The following KLK10 variants were observed in gnomAD, a reference collection of about 807,000 sequenced individuals.
The protein encoded by KLK10 is kallikrein-10.
A neutral mutation model predicts 25.7 loss-of-function variants in KLK10; 27 were observed. The observed-to-expected ratio is 1.05, with a 90% CI of 0.77 to 1.45. KLK10 has a LOEUF of 1.45. KLK10 is among the 40% of genes most tolerant of loss of function. The pLI, the probability that KLK10 is intolerant of heterozygous loss-of-function variation, is 0.00. For synonymous variants in KLK10, 173 were observed against 160.1 expected (o/e 1.08, Z -0.61); for missense variants, 386 against 370.0 (o/e 1.04, Z -0.35).
chr19:51,019,008 C>A lies in KLK10; in HGVS notation c.88+35G>T. On this transcript the variant is annotated intron_variant, in intron 2 of 5. Transcript: ENST00000358789. This position sits in a 1 kb window ranked among gnomAD's most constrained non-coding sequence, Gnocchi z 4.2. ...TTCTCCTCCCGCCCGTGCCTCCCAC[C>A]GGCGCCTCTCCCCGCCCCCTGCCCC... The A allele has an allele frequency of 1.4e-6, 2 of 1,458,592 alleles. No homozygotes were observed. The highest frequency in any genetic ancestry group is 2.4e-5 in the East Asian group (1 of 42,452). 90.4% of individuals were successfully genotyped at this position (1,458,592 alleles called of 1,614,324 possible).
rs1011267697 is a variant in KLK10, at chr19:51,019,181, G to T, written c.-9-42C>A. On this transcript the variant is annotated intron_variant, in intron 1 of 5. Coordinates refer to ENST00000358789, the MANE Select transcript of KLK10 (RefSeq NM_145888.3). The surrounding 1 kb of genome is among the most constrained non-coding windows in gnomAD (Gnocchi z 4.2). Reference sequence around the variant, plus strand: ...AGGGGCGGGTTAAAACAGATGCTCCGTTAGAGACCCCCACCTCGCCGCGCT... The same window carrying T: ...AGGGGCGGGTTAAAACAGATGCTCCTTTAGAGACCCCCACCTCGCCGCGCT... The T allele has an allele frequency of 5.1e-6, 7 of 1,370,934 alleles. No homozygotes were observed. Among genetic ancestry groups the T allele is most frequent in the African/African-American group, 1.4e-5 (1 of 69,738 alleles). 84.9% of individuals were successfully genotyped at this position (1,370,934 alleles called of 1,614,324 possible). A position where few individuals can be genotyped will look rare whatever the true frequency, so the allele number is the denominator to read the frequency against.
upstream of KLK10, chr19:51,020,064 A>C (rs2091385434): frequency 6.6e-6 from 1 of 152,378 alleles, no homozygotes; most frequent in African/African-American, 2.4e-5. Flanking sequence ...TGGGAAGTGC[A>C]TACCTAGAGT....
chr19:51,018,996 C>G (rs910581256), intron 2 of KLK10, 47 bp downstream of exon 2: 9 of 1,337,750 alleles, frequency 6.7e-6, no homozygotes, highest in African/African-American at 1.5e-5. Flanking sequence ...TCCTCCCGCC[C>G]GTGCCTCCCA....
intron 2 of KLK10, among the ~76,000 whole-genome samples, chr19:51,017,788 A>G (rs2091349452): frequency 6.6e-6 from 1 of 151,688 alleles, no homozygotes; most frequent in Non-Finnish European, 1.5e-5. Flanking sequence ...ATTCAAGACC[A>G]GCCCGGGCAA....
rs2091291800 is a variant in KLK10, at chr19:51,014,012, T to C, written c.*788A>G. 1 of 152,412 alleles carries C rather than the reference T, an allele frequency of 6.6e-6. No homozygotes were observed. The highest frequency in any genetic ancestry group is 1.9e-4 in the East Asian group (1 of 5,192). The allele number at this position is 152,412 out of a possible 1,614,324, so 9.4% of individuals were successfully genotyped here. A position where few individuals can be genotyped will look rare whatever the true frequency, so the allele number is the denominator to read the frequency against. The stretch of plus-strand genomic sequence containing the variant: ...GCAAGGTGAGGTCCCTTGAGTTCAG[T>C]GGCCTCATGAAGGCAGAGAAGGTGC... On this transcript the variant is annotated 3_prime_UTR_variant, in exon 6 of 6. Transcript: ENST00000358789.
intron 4 of KLK10, 98 bp from the exon 5 acceptor site, chr19:51,015,648 CCCT>C (rs2091316549): frequency 4.3e-6 from 6 of 1,389,218 alleles, no homozygotes; most frequent in Non-Finnish European, 5.0e-6. Context: ...AAGCCCCAGC[CCCT>C]CCTCCTTCAG....
chr19:51,017,095 T>G lies in KLK10; in HGVS notation c.269+15A>C. ...CAGCCCCCCGTGGCGTCCTCGGGGA[T>G]GGATCTCCTCCTACTTGTTTCCGCA... On this transcript the variant is annotated intron_variant, in intron 3 of 5. Transcript: ENST00000358789. The G allele has an allele frequency of 1.9e-6, 3 of 1,571,204 alleles. No homozygotes were observed. Among genetic ancestry groups the G allele is most frequent in the Non-Finnish European group, 2.6e-6 (3 of 1,156,894 alleles).
chr19:51,018,210 A>AT (rs2091359273), intron 2 of KLK10, among the ~76,000 whole-genome samples: 1 of 124,812 alleles, frequency 8.0e-6, no homozygotes, highest in Non-Finnish European at 1.7e-5. Context: ...AGAGAGAGAA[A>AT]GAAAAAAACA....
chr19:51,015,267 G>T, intron 5 of KLK10, 150 bp downstream of exon 5: 1 of 837,774 alleles, frequency 1.2e-6, no homozygotes, highest in Non-Finnish European at 1.9e-6. Context: ...TTGAGGATAG[G>T]GATGAGGAGG....
Position 51,019,261 on chromosome 19 carries a change from G to A in KLK10, c.-9-122C>T, listed in dbSNP as rs543710703. The A allele has an allele frequency of 4.8e-6, 3 of 630,838 alleles. No individual in the cohort carries two copies. Among genetic ancestry groups the A allele is most frequent in the Admixed American group, 2.8e-5 (1 of 35,664 alleles). The allele number at this position is 630,838 out of a possible 1,614,324, so 39.1% of individuals were successfully genotyped here. A position where few individuals can be genotyped will look rare whatever the true frequency, so the allele number is the denominator to read the frequency against. ...GCAAGCACCCTTTTGACCTGCAGCC[G>A]ATAACCCCAGGGGCTGGCAGACGGG... On this transcript the variant is annotated intron_variant, in intron 1 of 5. Coordinates refer to ENST00000358789, the MANE Select transcript of KLK10 (RefSeq NM_145888.3). This position sits in a 1 kb window ranked among gnomAD's most constrained non-coding sequence, Gnocchi z 4.2.
Position 51,014,649 on chromosome 19 carries a change from T to C in KLK10, c.*151A>G, listed in dbSNP as rs1026163548. 3.1e-5 allele frequency: 21 copies of C among 667,716 alleles called. No homozygotes were observed. In the African/African-American group the frequency reaches 3.6e-4, roughly 11 times the overall value. The allele number at this position is 667,716 out of a possible 1,614,324, so 41.4% of individuals were successfully genotyped here. On this transcript the variant is annotated 3_prime_UTR_variant, in exon 6 of 6. Transcript: ENST00000358789. ...GGGGAATGAGGTGAGAGGGGAGATG[T>C]TTAGAGGTGTGGAGGGCGGCAGAGG...
At chr19:51,018,792 G>A in intron 2 of KLK10, 2 of 556,502 alleles carry the variant, frequency 3.6e-6, no homozygotes, top group Non-Finnish European at 6.4e-6. Flanking sequence ...AAAGAACGCG[G>A]CGAAGAGTCC....
At chr19:51,017,466 C>T in intron 2 of KLK10, 176 bp from the exon 3 acceptor site, 1 of 619,176 alleles carries the variant, frequency 1.6e-6, no homozygotes, top group African/African-American at 1.9e-5. Flanking sequence ...GGAGAAGAAG[C>T]GCGTGAAAGT....
Position 51,015,531 on chromosome 19 carries a change from C to A in KLK10, c.564G>T (p.Leu188=). 1 of 1,613,950 alleles carries A rather than the reference C, an allele frequency of 6.2e-7. No individual in the cohort carries two copies. Among genetic ancestry groups the A allele is most frequent in the Non-Finnish European group, 8.5e-7 (1 of 1,179,876 alleles). Reference sequence around the variant, plus strand: ...TCAGGATAGTGATGCTGGAGCAGGTCAGGCCCTTGTTGTACTTCACTGAAG... The same window carrying A: ...TCAGGATAGTGATGCTGGAGCAGGTAAGGCCCTTGTTGTACTTCACTGAAG... ...AARRVKYNKG[L]TCSSITILSP... is the part of the protein sequence containing the mutation. Residue 188 remains leucine (L), a synonymous_variant, in exon 5 of 6, where the codon CTG becomes CTT. Coordinates refer to ENST00000358789, the MANE Select transcript of KLK10 (RefSeq NM_145888.3).
chr19:51,014,666 C>T lies in KLK10; in HGVS notation c.*134G>A, dbSNP rs895249577. 31 of 789,048 alleles carry T rather than the reference C, an allele frequency of 3.9e-5. No individual in the cohort carries two copies. Among genetic ancestry groups the T allele is most frequent in the South Asian group, 2.5e-4 (15 of 59,078 alleles). The allele number at this position is 789,048 out of a possible 1,614,324, so 48.9% of individuals were successfully genotyped here. A position where few individuals can be genotyped will look rare whatever the true frequency, so the allele number is the denominator to read the frequency against. The stretch of plus-strand genomic sequence containing the variant: ...GGGAGATGTTTAGAGGTGTGGAGGG[C>T]GGCAGAGGTTTGAACAGTGCAGACA... On this transcript the variant is annotated 3_prime_UTR_variant, in exon 6 of 6. Coordinates refer to ENST00000358789, the MANE Select transcript of KLK10 (RefSeq NM_145888.3).
intron 2 of KLK10, 54 bp downstream of exon 2, chr19:51,018,989 T>A: frequency 1.5e-6 from 2 of 1,302,080 alleles, no homozygotes; most frequent in Non-Finnish European, 2.1e-6. Context: ...CACATTCTCC[T>A]CCCGCCCGTG....
chr19:51,015,957 GC>G lies in KLK10; in HGVS notation c.468del (p.Gln157SerfsTer26). Reference sequence around the variant, plus strand: ...GGCTGAGCACAGCGGTAGGGAAGCTGCAGGGCCCGGACGCGGGGCCCCAGCA... The same window carrying G: ...GGCTGAGCACAGCGGTAGGGAAGCTGAGGGCCCGGACGCGGGGCCCCAGCA... ...PVVLGPRVRA[L>X]QLPYRCAQPG... On this transcript the variant is annotated frameshift_variant, in exon 4 of 6. Transcript: ENST00000358789. LOFTEE classifies it high-confidence loss of function. The G allele has an allele frequency of 6.3e-7, 1 of 1,587,272 alleles. No homozygotes were observed. The highest frequency in any genetic ancestry group is 8.6e-7 in the Non-Finnish European group (1 of 1,168,602).
At chr19:51,017,356 G>A (rs932282383) in intron 2 of KLK10, 66 bp from the exon 3 acceptor site, 18 of 1,457,620 alleles carry the variant, frequency 1.2e-5, no homozygotes. Context: ...GTTGGAGCTG[G>A]GCTGTGGCAC....
intron 2 of KLK10, 98 bp from the exon 3 acceptor site, chr19:51,017,388 G>A: frequency 3.5e-6 from 4 of 1,138,364 alleles, no homozygotes; most frequent in Non-Finnish European, 4.9e-6. Flanking sequence ...CGGGGACGGG[G>A]GACGCAGCCA....
Sources: allele counts gnomAD v4.1 joint callset (sites outside exome capture counted in the v4.1 genomes callset), GRCh38; gene constraint gnomAD v4.1.1; non-coding constraint Gnocchi (gnomAD v3.1); transcripts MANE v1.5; gene names NCBI Gene and HGNC (gene_info 2026-07-23, HGNC 2026-07-21).